Variants in ARHGAP21 observed in about 807,000 individuals in gnomAD.
The protein encoded by ARHGAP21 is rho GTPase-activating protein 21.
In ARHGAP21, 38 loss-of-function variants were observed where a neutral mutation model predicts 164.6. That is an observed-to-expected ratio of 0.23 (90% CI 0.18 to 0.30). The LOEUF is 0.30. ARHGAP21 is among the 10% of genes least tolerant of loss of function. The pLI is 1.00. For synonymous variants in ARHGAP21, 766 were observed against 857.9 expected (o/e 0.89, Z 1.87); for missense variants, 1,822 against 2,370.7 (o/e 0.77, Z 4.81).
chr10:24,704,077 T>C (rs777345168), intron 2 of ARHGAP21, among the ~76,000 whole-genome samples: 21 of 152,248 alleles, frequency 1.4e-4, no homozygotes, highest in Non-Finnish European at 1.3e-4. Flanking sequence ...AACAATCTCC[T>C]AAAGCCAAAT....
chr10:24,594,750 AATCTTTTAAAAT>A (rs1354122689), intron 21 of ARHGAP21, among the ~76,000 whole-genome samples, 188 bp downstream of exon 21: 7 of 152,224 alleles, frequency 4.6e-5, no homozygotes, highest in African/African-American at 9.6e-5. Context: ...CCATAAAAGA[AATCTTTTAAAAT>A]ATCCTTTTAA....
chr10:24,660,012 A>G (rs772114839), intron 4 of ARHGAP21, among the ~76,000 whole-genome samples: 117 of 152,272 alleles, frequency 7.7e-4, no homozygotes, highest in Non-Finnish European at 7.1e-4. Context: ...CAGCCAGTAC[A>G]CTGTTAAATT....
intron 3 of ARHGAP21, among the ~76,000 whole-genome samples, chr10:24,669,500 T>C (rs969375743): frequency 4.6e-5 from 7 of 152,192 alleles, no homozygotes; most frequent in African/African-American, 1.7e-4. Flanking sequence ...GCATCAAGCA[T>C]GTATATTGGT....
At chr10:24,654,320 AAAGAGGAGGTC>A (rs1359096552) in intron 4 of ARHGAP21, among the ~76,000 whole-genome samples, 2 of 152,194 alleles carry the variant, frequency 1.3e-5, no homozygotes, top group African/African-American at 4.8e-5. Context: ...TCAATTAGGA[AAAGAGGAGGTC>A]AAATTGTCCC....
At position 24,714,772 on chromosome 10, in the gene ARHGAP21, C is replaced by T. The variant is rs188729442; in HGVS notation, c.63+7065G>A. The stretch of plus-strand genomic sequence containing the variant: ...TTTTTTGGCCGGGCACGGTGGTTCA[C>T]GCCTGTAATCCTAGCACTTTGGGAG... On this transcript the variant is annotated intron_variant, in intron 2 of 25. Coordinates refer to ENST00000396432, the MANE Select transcript of ARHGAP21 (RefSeq NM_020824.4). 5.1e-3 allele frequency among the ~76,000 whole-genome samples: 769 copies of T among 152,202 alleles called. 5 individuals are homozygous for T. Among genetic ancestry groups the T allele is most frequent in the African/African-American group, 0.018 (742 of 41,530 alleles).
intron 4 of ARHGAP21, among the ~76,000 whole-genome samples, chr10:24,652,949 GT>G (rs1192963410): frequency 2.0e-5 from 3 of 152,064 alleles, no homozygotes; most frequent in African/African-American, 7.2e-5. Context: ...GTGTACAAAA[GT>G]ACACATACAA....
chr10:24,699,650 T>C (rs994734729), intron 2 of ARHGAP21, among the ~76,000 whole-genome samples: 3 of 152,048 alleles, frequency 2.0e-5, no homozygotes, highest in African/African-American at 7.2e-5. Context: ...TAAAAGCTGA[T>C]GACTAGAACA....
chr10:24,606,744 C>T (rs769307309), intron 11 of ARHGAP21, among the ~76,000 whole-genome samples: 13 of 152,004 alleles, frequency 8.6e-5, no homozygotes, highest in Admixed American at 2.0e-4. Flanking sequence ...GGGAGGCTGA[C>T]GCAGGAGAAT....
chr10:24,721,921 G>A lies in ARHGAP21; in HGVS notation c.-22C>T, dbSNP rs1845980651. On this transcript the variant is annotated 5_prime_UTR_variant, in exon 2 of 26. Transcript: ENST00000396432. ...TCATTTCATTTCAAATGACAAAGAA[G>A]GGACAAATCCTTTGGAGTCCACATT... 6.2e-7 allele frequency: 1 copy of A among 1,613,756 alleles called. No homozygotes were observed. The highest frequency in any genetic ancestry group is 8.5e-7 in the Non-Finnish European group (1 of 1,179,816).
intron 4 of ARHGAP21, among the ~76,000 whole-genome samples, chr10:24,646,739 G>C (rs192380941): frequency 6.6e-6 from 1 of 152,158 alleles, no homozygotes; most frequent in Non-Finnish European, 1.5e-5. Flanking sequence ...GTGAGAACTT[G>C]TCTCTAAAAA....
At chr10:24,629,954 C>T (rs757601910) in intron 7 of ARHGAP21, 42 bp downstream of exon 7, 3 of 1,352,660 alleles carry the variant, frequency 2.2e-6, no homozygotes, top group African/African-American at 1.5e-5. Flanking sequence ...TCCGAACATT[C>T]ATGACTGTAA....
At chr10:24,624,087 TAA>T (rs978118632) in intron 7 of ARHGAP21, among the ~76,000 whole-genome samples, 2 of 152,180 alleles carry the variant, frequency 1.3e-5, no homozygotes, top group African/African-American at 4.8e-5. Context: ...ACTTCTGAGT[TAA>T]GTTATCACAA....
chr10:24,594,835 C>T, intron 21 of ARHGAP21, 115 bp downstream of exon 21: 1 of 751,066 alleles, frequency 1.3e-6, no homozygotes, highest in Non-Finnish European at 2.0e-6. Flanking sequence ...AAGGACTTAC[C>T]CAGTTTGATG....
chr10:24,625,480 G>C lies in ARHGAP21; in HGVS notation c.496-2718C>G, dbSNP rs143247788. ...TGCCAGCATAGGGAATGGGAGAAGG[G>C]GATGGTGTAGATGGAGAAGGACTTT... On this transcript the variant is annotated intron_variant, in intron 7 of 25. Coordinates refer to ENST00000396432, the MANE Select transcript of ARHGAP21 (RefSeq NM_020824.4). Among the ~76,000 whole-genome samples the C allele has an allele frequency of 3.2e-4, 49 of 152,120 alleles. 1 individual carries two copies. Among genetic ancestry groups the C allele is most frequent in the African/African-American group, 1.1e-3 (46 of 41,492 alleles).
chr10:24,700,828 T>TTAA lies in ARHGAP21; in HGVS notation c.63+21006_63+21008dup, dbSNP rs548302353. Among the ~76,000 whole-genome samples, 44 of 152,310 alleles carry TTAA rather than the reference T, an allele frequency of 2.9e-4. No individual in the cohort carries two copies. The East Asian group carries it at 7.7e-3, about 27-fold the overall frequency. Reference sequence around the variant, plus strand: ...TCTTTTGGCCATTGAAGGCAGAGCTTTAATGTGTGGAAGAATCACCTGACG... The same window carrying TTAA: ...TCTTTTGGCCATTGAAGGCAGAGCTTTAATAATGTGTGGAAGAATCACCTGACG... On this transcript the variant is annotated intron_variant, in intron 2 of 25. Transcript: ENST00000396432.
At chr10:24,594,787 G>C (rs978703595) in intron 21 of ARHGAP21, among the ~76,000 whole-genome samples, 163 bp downstream of exon 21, 19 of 152,110 alleles carry the variant, frequency 1.2e-4, no homozygotes, top group Non-Finnish European at 2.6e-4. Context: ...GTGACAACTG[G>C]TATTTTGGGA....
chr10:24,615,823 G>A (rs968172080), intron 9 of ARHGAP21, among the ~76,000 whole-genome samples: 5 of 152,184 alleles, frequency 3.3e-5, no homozygotes, highest in Non-Finnish European at 7.4e-5. Context: ...CGCCCAGGCT[G>A]GAGTGCAGTG....
At chr10:24,711,351 T>A (rs1183717430) in intron 2 of ARHGAP21, among the ~76,000 whole-genome samples, 1 of 151,276 alleles carries the variant, frequency 6.6e-6, no homozygotes, top group African/African-American at 2.4e-5. Context: ...AACGAAAAGT[T>A]CATACCAAAA....
At chr10:24,591,115 A>C in intron 24 of ARHGAP21, 110 bp downstream of exon 24, 1 of 1,075,174 alleles carries the variant, frequency 9.3e-7, no homozygotes, top group South Asian at 1.7e-5. Flanking sequence ...AGAAAGGAAG[A>C]GAAAAAGAAA....
Sources: allele counts gnomAD v4.1 joint callset (sites outside exome capture counted in the v4.1 genomes callset), GRCh38; gene constraint gnomAD v4.1.1; transcripts MANE v1.5; gene names NCBI Gene and HGNC (gene_info 2026-07-23, HGNC 2026-07-21).